The following ELMO1 variants were observed in gnomAD, a reference collection of about 807,000 sequenced individuals.
The protein encoded by ELMO1 is engulfment and cell motility 1, also known as engulfment and cell motility protein 1.
In ELMO1, 26 loss-of-function variants were observed where a neutral mutation model predicts 98.9. The ratio of observed to expected loss-of-function variants is 0.26; its 90% CI spans 0.19 to 0.36. The LOEUF is 0.36. Ranked by LOEUF, ELMO1 falls within the 10% of genes least tolerant of loss-of-function variation. ELMO1 has a pLI of 1.00. For synonymous variants in ELMO1, 346 were observed against 346.0 expected (o/e 1.00, Z 0.00); for missense variants, 627 against 935.2 (o/e 0.67, Z 4.30).
At chr7:37,290,850 T>TTGATGA (rs66521312) in intron 4 of ELMO1, among the ~76,000 whole-genome samples, 2 of 151,184 alleles carry the variant, frequency 1.3e-5, no homozygotes, top group African/African-American at 2.4e-5. Flanking sequence ...CAGGGTGATT[T>TTGATGA]TGATGATGAT....
At chr7:37,294,363 A>C (rs1389842944) in intron 4 of ELMO1, among the ~76,000 whole-genome samples, 1 of 152,024 alleles carries the variant, frequency 6.6e-6, no homozygotes, top group Non-Finnish European at 1.5e-5. Context: ...TTTAAAAAAA[A>C]AAAAAAAAGG....
At chr7:37,286,711 G>T (rs970110964) in intron 4 of ELMO1, among the ~76,000 whole-genome samples, 1 of 152,088 alleles carries the variant, frequency 6.6e-6, no homozygotes, top group African/African-American at 2.4e-5. Context: ...ATACAAGTCC[G>T]CCCATTTGGA....
intron 14 of ELMO1, among the ~76,000 whole-genome samples, chr7:37,110,903 A>AC (rs1234447517): frequency 6.6e-6 from 1 of 152,112 alleles, no homozygotes; most frequent in East Asian, 1.9e-4. Flanking sequence ...AGCGTAGGGG[A>AC]TTTTTTGGTA....
chr7:36,904,798 G>A (rs139864009), intron 16 of ELMO1, among the ~76,000 whole-genome samples: 3 of 152,284 alleles, frequency 2.0e-5, no homozygotes, highest in African/African-American at 4.8e-5. Flanking sequence ...TGGGGTCGTC[G>A]CTTTCTCTTT....
At chr7:36,896,489 TTTCA>T (rs1806007935) in intron 16 of ELMO1, among the ~76,000 whole-genome samples, 1 of 152,214 alleles carries the variant, frequency 6.6e-6, no homozygotes, top group South Asian at 2.1e-4. Context: ...TAGATAGGCT[TTTCA>T]TTGAAGACAT....
intron 13 of ELMO1, among the ~76,000 whole-genome samples, chr7:37,166,849 T>TA (rs1789734559): frequency 6.6e-6 from 1 of 152,214 alleles, no homozygotes; most frequent in Non-Finnish European, 1.5e-5. Context: ...AGATGTCTAT[T>TA]AGGTCTGCTT....
chr7:36,905,308 T>C (rs77438989), intron 16 of ELMO1, among the ~76,000 whole-genome samples: 3,833 of 152,294 alleles, frequency 0.025, 162 homozygotes, highest in African/African-American at 0.087. Context: ...CCCTCCCATA[T>C]GGAAGGTCTC....
At chr7:36,918,722 G>A (rs983889799) in intron 16 of ELMO1, among the ~76,000 whole-genome samples, 1 of 152,176 alleles carries the variant, frequency 6.6e-6, no homozygotes, top group Non-Finnish European at 1.5e-5. Flanking sequence ...AAGGGCTTTT[G>A]CTAAATAAAG....
At chr7:36,945,193 T>C (rs1295957015) in intron 16 of ELMO1, among the ~76,000 whole-genome samples, 1 of 152,250 alleles carries the variant, frequency 6.6e-6, no homozygotes, top group Non-Finnish European at 1.5e-5. Flanking sequence ...CAAGGTCCAT[T>C]ATTGTCATAC....
intron 14 of ELMO1, among the ~76,000 whole-genome samples, chr7:37,123,072 G>A (rs1324297312): frequency 6.6e-6 from 1 of 151,702 alleles, no homozygotes; most frequent in Non-Finnish European, 1.5e-5. Context: ...AAATAAAGAT[G>A]TTCTTTGAAA....
chr7:37,275,059 G>A (rs1309479348), intron 4 of ELMO1, among the ~76,000 whole-genome samples: 1 of 152,242 alleles, frequency 6.6e-6, no homozygotes, highest in Non-Finnish European at 1.5e-5. Context: ...ACATCATGGA[G>A]GAGGATGAGA....
At chr7:37,172,104 G>T (rs1204821876) in intron 13 of ELMO1, among the ~76,000 whole-genome samples, 1 of 152,184 alleles carries the variant, frequency 6.6e-6, no homozygotes, top group African/African-American at 2.4e-5. Flanking sequence ...TGACTATCCT[G>T]TAAGAAAATG....
At chr7:37,211,155 A>G (rs1792945308) in intron 13 of ELMO1, 1 of 526,802 alleles carries the variant, frequency 1.9e-6, no homozygotes, top group Admixed American at 3.6e-5. Flanking sequence ...CTTAATCAGA[A>G]CTGAATAAAC....
chr7:36,941,352 T>A (rs1787016615), intron 16 of ELMO1, among the ~76,000 whole-genome samples: 2 of 152,330 alleles, frequency 1.3e-5, no homozygotes, highest in South Asian at 4.1e-4. Flanking sequence ...TGGAATTCCT[T>A]AGATCAGTGT....
intron 1 of ELMO1, among the ~76,000 whole-genome samples, chr7:37,369,714 A>G (rs986061165): frequency 2.0e-5 from 3 of 151,742 alleles, no homozygotes; most frequent in African/African-American, 7.2e-5. Flanking sequence ...TCTACAATAT[A>G]ATTAAGAATT....
At chr7:37,187,883 C>G (rs976983419) in intron 13 of ELMO1, among the ~76,000 whole-genome samples, 2 of 152,146 alleles carry the variant, frequency 1.3e-5, no homozygotes, top group Non-Finnish European at 2.9e-5. Flanking sequence ...TTCAAGGGAA[C>G]TCCCTGAATA....
intron 14 of ELMO1, among the ~76,000 whole-genome samples, chr7:37,128,221 T>C (rs1214480226): frequency 1.3e-5 from 2 of 151,642 alleles, no homozygotes; most frequent in Admixed American, 6.6e-5. Context: ...ACAAAAAACA[T>C]AAACATAAAA....
chr7:36,904,112 T>C (rs1361810562), intron 16 of ELMO1, among the ~76,000 whole-genome samples: 1 of 152,170 alleles, frequency 6.6e-6, no homozygotes, highest in Admixed American at 6.5e-5. Context: ...CCATACCTCC[T>C]TGGGCAGCAG....
rs200439925 is a variant in ELMO1 at position 37,342,628 on chromosome 7, G to A, written c.63C>T (p.Leu21=). The part of the protein sequence containing the change: ...AIEWPGAYPK[L]MEIDQKKPLS... ...CGTTACTAACCTGATCAATTTCCATGAGTTTGGGGTAGGCGCCCGGCCATT... is the reference window on the plus strand; with the variant it reads ...CGTTACTAACCTGATCAATTTCCATAAGTTTGGGGTAGGCGCCCGGCCATT... The change falls in exon 2 of 22, where the codon CTC becomes CTT. Residue 21 remains leucine, a synonymous_variant. Coordinates refer to ENST00000310758, the MANE Select transcript of ELMO1 (RefSeq NM_014800.11). This position sits in a 1 kb window ranked among gnomAD's most constrained non-coding sequence, Gnocchi z 4.3. 1 of 1,613,834 alleles carries A rather than the reference G, an allele frequency of 6.2e-7. No homozygotes were observed. The highest frequency in any genetic ancestry group is 8.5e-7 in the Non-Finnish European group (1 of 1,179,946).
Sources: allele counts gnomAD v4.1 joint callset (sites outside exome capture counted in the v4.1 genomes callset), GRCh38; gene constraint gnomAD v4.1.1; non-coding constraint Gnocchi (gnomAD v3.1); transcripts MANE v1.5; gene names NCBI Gene and HGNC (gene_info 2026-07-23, HGNC 2026-07-21).